GALNT13: variants seen among roughly 807,000 people sequenced by gnomAD.
GALNT13 encodes UDP-GalNAc:polypeptide N-acetylgalactosaminyltransferase 13.
In GALNT13, 28 loss-of-function variants were observed where a neutral mutation model predicts 64.2. The observed-to-expected ratio is 0.44, with a 90% confidence interval of 0.32 to 0.60. The LOEUF is 0.60. Among genes scored for constraint, GALNT13 ranks in the 20% least tolerant of loss-of-function variants. GALNT13 has a pLI of 0.05. For synonymous variants in GALNT13, 214 were observed against 224.6 expected (o/e 0.95, Z 0.42); for missense variants, 577 against 669.8 (o/e 0.86, Z 1.53).
chr2:153,256,473 C>A, the GALNT13 span, among the ~76,000 whole-genome samples: 2 of 152,186 alleles, frequency 1.3e-5, no homozygotes, highest in South Asian at 2.1e-4. Context: ...AGCTCCTCAA[C>A]GTCATTCTCC....
the GALNT13 span, among the ~76,000 whole-genome samples, chr2:153,561,686 A>G: frequency 7.2e-6 from 1 of 139,150 alleles, no homozygotes; most frequent in Non-Finnish European, 1.5e-5. Context: ...ATTAATCACC[A>G]CTTAGGTTAG....
chr2:153,630,812 T>TTATTTA, the GALNT13 span, among the ~76,000 whole-genome samples: 605 of 35,076 alleles, frequency 0.017, 12 homozygotes, highest in East Asian at 0.038. Flanking sequence ...TATATATTTT[T>TTATTTA]TTTTTTTTTT....
intron 12 of GALNT13, among the ~76,000 whole-genome samples, chr2:154,442,288 T>C (rs1350049243): frequency 6.6e-6 from 1 of 152,168 alleles, no homozygotes; most frequent in Non-Finnish European, 1.5e-5. Flanking sequence ...ATATAATATC[T>C]AATTGCTTAT....
intron 9 of GALNT13, among the ~76,000 whole-genome samples, chr2:154,367,599 C>T (rs1199624454): frequency 6.6e-6 from 1 of 152,084 alleles, no homozygotes; most frequent in Non-Finnish European, 1.5e-5. Flanking sequence ...ATAGAATTGG[C>T]CTTCTCATTC....
the GALNT13 span, among the ~76,000 whole-genome samples, chr2:153,284,113 G>T: frequency 6.6e-6 from 1 of 152,306 alleles, no homozygotes; most frequent in East Asian, 1.9e-4. Context: ...GACCAGTAGT[G>T]CTCTGAATGC....
the GALNT13 span, among the ~76,000 whole-genome samples, chr2:153,234,190 G>A: frequency 1.3e-5 from 2 of 152,152 alleles, no homozygotes; most frequent in Non-Finnish European, 2.9e-5. Flanking sequence ...AGAAGGGGTT[G>A]CATTCCATGC....
At chr2:153,934,133 G>A (rs1477861152) in intron 2 of GALNT13, among the ~76,000 whole-genome samples, 1 of 152,078 alleles carries the variant, frequency 6.6e-6, no homozygotes, top group Non-Finnish European at 1.5e-5. Context: ...TAATGCCTTA[G>A]CACAGTGTTG....
chr2:153,110,864 G>A, the GALNT13 span, among the ~76,000 whole-genome samples: 10 of 152,232 alleles, frequency 6.6e-5, no homozygotes, highest in Admixed American at 5.9e-4. Context: ...ATCAGTTGGA[G>A]TTTTAGAAAA....
the GALNT13 span, among the ~76,000 whole-genome samples, chr2:153,824,146 G>T: frequency 1.3e-5 from 2 of 151,930 alleles, no homozygotes; most frequent in East Asian, 3.9e-4. Context: ...AGAGGAAAGG[G>T]AAGGCTATAC....
the GALNT13 span, among the ~76,000 whole-genome samples, chr2:153,477,021 G>A: frequency 6.6e-6 from 1 of 152,156 alleles, no homozygotes; most frequent in Non-Finnish European, 1.5e-5. Context: ...AGCCTGGCAC[G>A]GAAGTGTAAT....
chr2:153,327,727 T>C, the GALNT13 span, among the ~76,000 whole-genome samples: 1 of 151,972 alleles, frequency 6.6e-6, no homozygotes, highest in Non-Finnish European at 1.5e-5. Context: ...CTTCCTTGCA[T>C]TGTGTTAGAA....
chr2:154,387,296 T>G, intron 9 of GALNT13, among the ~76,000 whole-genome samples: 1 of 150,854 alleles, frequency 6.6e-6, no homozygotes, highest in Admixed American at 6.6e-5. Context: ...ACTTACAGGC[T>G]TATTCATATT....
At chr2:154,147,777 A>G (rs547770794) in intron 4 of GALNT13, among the ~76,000 whole-genome samples, 3 of 152,138 alleles carry the variant, frequency 2.0e-5, no homozygotes, top group Admixed American at 6.6e-5. Flanking sequence ...TCTACCTGGT[A>G]ATCATATTTT....
At chr2:153,895,207 CATT>C (rs1687809360) in intron 1 of GALNT13, among the ~76,000 whole-genome samples, 1 of 151,962 alleles carries the variant, frequency 6.6e-6, no homozygotes, top group Admixed American at 6.6e-5. Flanking sequence ...CGTTTTGACA[CATT>C]GTTGCTATAA....
the GALNT13 span, among the ~76,000 whole-genome samples, chr2:153,674,567 T>C: frequency 6.6e-6 from 1 of 152,122 alleles, no homozygotes; most frequent in African/African-American, 2.4e-5. Flanking sequence ...GATTAAAGAC[T>C]TAAATGTAAG....
chr2:153,348,584 T>C, the GALNT13 span, among the ~76,000 whole-genome samples: 1 of 152,180 alleles, frequency 6.6e-6, no homozygotes, highest in Non-Finnish European at 1.5e-5. Flanking sequence ...AACCAAAGGA[T>C]GGTATAGAAA....
At chr2:153,665,832 A>G in the GALNT13 span, among the ~76,000 whole-genome samples, 1 of 152,106 alleles carries the variant, frequency 6.6e-6, no homozygotes, top group East Asian at 1.9e-4. Context: ...TGGAGTTGGC[A>G]AGGAGAACTG....
chr2:153,080,843 G>A, the GALNT13 span, among the ~76,000 whole-genome samples: 7 of 151,904 alleles, frequency 4.6e-5, no homozygotes, highest in Non-Finnish European at 7.4e-5. Context: ...TGTTTTCATT[G>A]TGAATTATAC....
chr2:153,344,768 G>C, the GALNT13 span, among the ~76,000 whole-genome samples: 1 of 152,132 alleles, frequency 6.6e-6, no homozygotes, highest in Non-Finnish European at 1.5e-5. Flanking sequence ...CACAAAACAT[G>C]GTAACAGTAT....
Sources: allele counts gnomAD v4.1 joint callset (sites outside exome capture counted in the v4.1 genomes callset), GRCh38; gene constraint gnomAD v4.1.1; transcripts MANE v1.5; gene names NCBI Gene and HGNC (gene_info 2026-07-23, HGNC 2026-07-21).